Variants in ZHX2 observed in about 807,000 individuals in gnomAD.
ZHX2 encodes zinc fingers and homeoboxes 2, also known as zinc fingers and homeoboxes protein 2.
ZHX2 carries 6 observed loss-of-function variants against 21.9 expected under a neutral mutation model. The observed-to-expected ratio is 0.27, with a 90% CI of 0.15 to 0.54. The LOEUF is 0.54. Among genes scored for constraint, ZHX2 ranks in the 20% least tolerant of loss-of-function variants. The pLI is 0.95. For missense variants in ZHX2, 908 were observed against 1,090.7 expected (o/e 0.83, Z 2.36); for synonymous variants, 434 against 437.1 (o/e 0.99, Z 0.09).
At chr8:122,796,278 G>A (rs1171082139) in intron 1 of ZHX2, among the ~76,000 whole-genome samples, 1 of 152,124 alleles carries the variant, frequency 6.6e-6, no homozygotes, top group African/African-American at 2.4e-5. Context: ...CACACAACGG[G>A]AACTAGTAAC....
At chr8:122,910,548 TCAAAAGGCAGG>T in intron 2 of ZHX2, among the ~76,000 whole-genome samples, 1 of 152,344 alleles carries the variant, frequency 6.6e-6, no homozygotes, top group East Asian at 1.9e-4. Context: ...GGACCCCTGT[TCAAAAGGCAGG>T]CAAAAGGCTT....
intron 1 of ZHX2, among the ~76,000 whole-genome samples, chr8:122,823,778 G>T (rs184949800): frequency 5.7e-4 from 87 of 152,232 alleles, no homozygotes; most frequent in Non-Finnish European, 1.6e-4. Flanking sequence ...GACCAGTTAC[G>T]GCTGCTGTTG....
chr8:122,937,884 A>G (rs988945415), intron 2 of ZHX2, among the ~76,000 whole-genome samples: 32 of 127,690 alleles, frequency 2.5e-4, no homozygotes, highest in Non-Finnish European at 3.9e-4. Context: ...GCCCAGCCGG[A>G]TCATCTATTT....
At chr8:122,904,414 G>A (rs1480706999) in intron 2 of ZHX2, among the ~76,000 whole-genome samples, 1 of 152,178 alleles carries the variant, frequency 6.6e-6, no homozygotes, top group Non-Finnish European at 1.5e-5. Context: ...TGTCAGAGAA[G>A]GCCAAGTGGG....
At chr8:122,796,170 CAA>C (rs35841484) in intron 1 of ZHX2, among the ~76,000 whole-genome samples, 19 of 110,242 alleles carry the variant, frequency 1.7e-4, no homozygotes, top group Admixed American at 2.8e-4. Flanking sequence ...GACTCCATCT[CAA>C]AAAAAAAAAA....
upstream of ZHX2, chr8:122,781,189 G>T (rs867337630): frequency 1.3e-5 from 2 of 152,208 alleles, no homozygotes; most frequent in African/African-American, 4.8e-5. The surrounding 1 kb of genome is among the most constrained non-coding windows in gnomAD (Gnocchi z 4.6). Flanking sequence ...AGGGTCCCGG[G>T]GCCCGGGTAC....
At chr8:122,818,884 G>T (rs537403509) in intron 1 of ZHX2, among the ~76,000 whole-genome samples, 2 of 152,264 alleles carry the variant, frequency 1.3e-5, no homozygotes, top group South Asian at 4.1e-4. Flanking sequence ...GATGGTGGCT[G>T]CTCAGGGGTA....
At chr8:122,941,283 C>T (rs1812837494) in intron 2 of ZHX2, among the ~76,000 whole-genome samples, 1 of 152,134 alleles carries the variant, frequency 6.6e-6, no homozygotes, top group African/African-American at 2.4e-5. Flanking sequence ...TGCATGTAAA[C>T]AACATTTTAG....
At chr8:122,803,223 GGTA>G (rs946382722) in intron 1 of ZHX2, among the ~76,000 whole-genome samples, 1 of 152,194 alleles carries the variant, frequency 6.6e-6, no homozygotes, top group Non-Finnish European at 1.5e-5. Context: ...CCCCCACTGA[GGTA>G]GTAGTGGTGT....
chr8:122,941,552 G>A (rs1036890022), intron 2 of ZHX2, among the ~76,000 whole-genome samples: 8 of 151,790 alleles, frequency 5.3e-5, no homozygotes, highest in East Asian at 3.9e-4. Flanking sequence ...TTCTTCCCCC[G>A]TTTCTACCTC....
At chr8:122,888,946 A>T (rs1022694698) in intron 2 of ZHX2, among the ~76,000 whole-genome samples, 9 of 152,170 alleles carry the variant, frequency 5.9e-5, no homozygotes, top group Non-Finnish European at 1.5e-5. Context: ...CTCTACTTGT[A>T]TGAGATGAAC....
chr8:122,865,703 C>T lies in ZHX2; in HGVS notation c.-220+2164C>T, dbSNP rs999160151. ...TAGTTCAATTTAATGAGTTAATTCA[C>T]ATGAAGCTGCTGGGATATAGTAAGT... On this transcript the variant is annotated intron_variant, in intron 2 of 3. Coordinates refer to ENST00000314393, the MANE Select transcript of ZHX2 (RefSeq NM_014943.5). Among the ~76,000 whole-genome samples, 9 of 152,346 alleles carry T rather than the reference C, an allele frequency of 5.9e-5. 1 individual carries two copies. Among genetic ancestry groups the T allele is most frequent in the Admixed American group, 4.6e-4 (7 of 15,296 alleles).
chr8:122,809,943 G>C (rs1312369212), intron 1 of ZHX2, among the ~76,000 whole-genome samples: 1 of 152,128 alleles, frequency 6.6e-6, no homozygotes, highest in Non-Finnish European at 1.5e-5. Flanking sequence ...CTGGGGATTG[G>C]GTAGGGGGGG....
chr8:122,843,080 C>T (rs1818675576), intron 1 of ZHX2, among the ~76,000 whole-genome samples: 1 of 152,192 alleles, frequency 6.6e-6, no homozygotes, highest in African/African-American at 2.4e-5. Flanking sequence ...ACTCGTGGGC[C>T]ATGGTTGCAG....
intron 1 of ZHX2, among the ~76,000 whole-genome samples, chr8:122,783,575 G>A (rs1313354566): frequency 6.6e-6 from 1 of 152,158 alleles, no homozygotes; most frequent in Non-Finnish European, 1.5e-5. Context: ...GGTTCTGAGA[G>A]CTCTTCAAGA....
At chr8:122,879,374 C>CT (rs1819647264) in intron 2 of ZHX2, among the ~76,000 whole-genome samples, 1 of 151,890 alleles carries the variant, frequency 6.6e-6, no homozygotes, top group Non-Finnish European at 1.5e-5. Flanking sequence ...GCCCAGCTAA[C>CT]TTTTGTATTT....
At position 122,850,985 on chromosome 8, in the gene ZHX2, G is replaced by A. The variant is rs117273901; in HGVS notation, c.-282-12492G>A. On this transcript the variant is annotated intron_variant, in intron 1 of 3. Coordinates refer to ENST00000314393, the MANE Select transcript of ZHX2 (RefSeq NM_014943.5). ...ACAGGCCACCTGTTTTGGCATTTGC[G>A]CTGGCTGTGTTCTCAGCCTAGAACA... Among the ~76,000 whole-genome samples, 413 of 152,172 alleles carry A rather than the reference G, an allele frequency of 2.7e-3. 1 individual carries two copies. Among genetic ancestry groups the A allele is most frequent in the Non-Finnish European group, 4.8e-3 (325 of 68,010 alleles).
intron 2 of ZHX2, among the ~76,000 whole-genome samples, chr8:122,912,416 C>T (rs1388265752): frequency 6.6e-6 from 1 of 152,218 alleles, no homozygotes; most frequent in Admixed American, 6.5e-5. Context: ...ATGTAGGCTG[C>T]TCTATGTGAC....
intron 1 of ZHX2, among the ~76,000 whole-genome samples, chr8:122,840,164 T>G (rs1215721842): frequency 6.6e-6 from 1 of 152,188 alleles, no homozygotes; most frequent in Non-Finnish European, 1.5e-5. Context: ...AATAATTTAG[T>G]AGATTTTGAA....
Sources: gnomAD v4.1 joint callset for allele counts (sites outside exome capture counted in the v4.1 genomes callset) on GRCh38, gnomAD v4.1.1 for gene constraint, Gnocchi (gnomAD v3.1) non-coding constraint, MANE v1.5 for transcripts, NCBI Gene and HGNC (gene_info 2026-07-23, HGNC 2026-07-21) for gene names.